The following DGKI variants were observed in gnomAD, a reference collection of about 807,000 sequenced individuals.
DGKI encodes the protein DAG kinase iota.
A neutral mutation model predicts 147.5 loss-of-function variants in DGKI; 55 were observed. That is an observed-to-expected ratio of 0.37 (90% CI 0.30 to 0.47). The LOEUF (loss-of-function observed/expected upper bound fraction) is 0.47. DGKI is among the 20% of genes least tolerant of loss of function. The probability of loss-of-function intolerance (pLI) is 1.00; values close to 1 mark genes in which losing one functional copy is unlikely to be tolerated. For missense variants in DGKI, 1,007 were observed against 1,323.8 expected (o/e 0.76, Z 3.71); for synonymous variants, 469 against 477.1 (o/e 0.98, Z 0.22).
intron 30 of DGKI, among the ~76,000 whole-genome samples, chr7:137,401,880 A>G (rs971412448): frequency 6.6e-5 from 10 of 152,194 alleles, no homozygotes; most frequent in Non-Finnish European, 1.5e-4. Flanking sequence ...AGAACCCTAG[A>G]TCAGTTGTCA....
intron 1 of DGKI, among the ~76,000 whole-genome samples, chr7:137,745,194 G>C (rs550782720): frequency 3.1e-4 from 47 of 152,260 alleles, no homozygotes; most frequent in African/African-American, 1.1e-3. Context: ...TATTTGTTTT[G>C]TTGTTAGATA....
intron 1 of DGKI, among the ~76,000 whole-genome samples, chr7:137,732,280 T>C (rs1794907633): frequency 6.6e-6 from 1 of 152,086 alleles, no homozygotes; most frequent in South Asian, 2.1e-4. Context: ...AGTTTCCCCA[T>C]GTTGCAGAAT....
Position 137,724,661 on chromosome 7 carries a change from T to G in DGKI, c.402-34659A>C, listed in dbSNP as rs140151364. Among the ~76,000 whole-genome samples, 46 of 152,286 alleles carry G rather than the reference T, an allele frequency of 3.0e-4. No individual in the cohort carries two copies. The East Asian group carries it at 8.7e-3, about 29-fold the overall frequency. ...GGTACATTTACTGAGATGGGGACAT[T>G]GACAGAGGACCAAGTGTTTGGGATG... On this transcript the variant is annotated intron_variant, in intron 1 of 32. Coordinates refer to ENST00000614521, the MANE Select transcript of DGKI (RefSeq NM_001321708.2).
At chr7:137,472,396 A>ATTATATGTATATATACATATT (rs1396290321) in intron 23 of DGKI, among the ~76,000 whole-genome samples, 3,308 of 94,680 alleles carry the variant, frequency 0.035, 156 homozygotes, top group African/African-American at 0.049. Flanking sequence ...TACATATTAT[A>ATTATATGTATATATACATATT]ATTATTATAT....
At chr7:137,715,753 C>G (rs1271521497) in intron 1 of DGKI, among the ~76,000 whole-genome samples, 4 of 152,276 alleles carry the variant, frequency 2.6e-5, no homozygotes, top group African/African-American at 7.2e-5. Flanking sequence ...TGATGACTAA[C>G]CAGACAACCT....
At chr7:137,759,195 T>C (rs531155637) in intron 1 of DGKI, among the ~76,000 whole-genome samples, 1 of 152,312 alleles carries the variant, frequency 6.6e-6, no homozygotes, top group South Asian at 2.1e-4. Context: ...CGCCTACTTA[T>C]AAGTGACAAC....
At chr7:137,635,936 C>G (rs1821294018) in intron 6 of DGKI, among the ~76,000 whole-genome samples, 1 of 152,172 alleles carries the variant, frequency 6.6e-6, no homozygotes, top group Non-Finnish European at 1.5e-5. Context: ...CGTCATGGGA[C>G]TTAACAGGAA....
At chr7:137,487,765 G>T in intron 21 of DGKI, 76 bp from the exon 22 acceptor site, 1 of 1,358,114 alleles carries the variant, frequency 7.4e-7, no homozygotes, top group Non-Finnish European at 1.0e-6. Flanking sequence ...TGTTTCTCGT[G>T]GTTAAAAAAC....
chr7:137,427,310 T>C (rs1812857566), intron 28 of DGKI, among the ~76,000 whole-genome samples: 2 of 152,042 alleles, frequency 1.3e-5, no homozygotes, highest in Admixed American at 6.5e-5. Flanking sequence ...ACTGGGTACA[T>C]AAGGAAACGA....
In DGKI at chr7:137,585,155, T is replaced by C. The variant is rs553188835; in HGVS notation, c.1563+54A>G. The C allele has an allele frequency of 4.4e-6, 7 of 1,598,746 alleles. No individual in the cohort carries two copies. In the South Asian group the frequency reaches 7.9e-5, roughly 18 times the overall value. Reference sequence around the variant, plus strand: ...TCTCCAGCCAGGATTTTTTTTCCTGTAGCTCAGGCAGATGCTCCAGGGCTC... The same window carrying C: ...TCTCCAGCCAGGATTTTTTTTCCTGCAGCTCAGGCAGATGCTCCAGGGCTC... On this transcript the variant is annotated intron_variant, in intron 14 of 32. Coordinates refer to ENST00000614521, the MANE Select transcript of DGKI (RefSeq NM_001321708.2).
chr7:137,625,491 A>C (rs931083983), intron 6 of DGKI, among the ~76,000 whole-genome samples: 3 of 152,054 alleles, frequency 2.0e-5, no homozygotes, highest in African/African-American at 7.2e-5. Flanking sequence ...AATTTAAAAA[A>C]AAATAAAGAA....
intron 1 of DGKI, among the ~76,000 whole-genome samples, chr7:137,711,058 A>T (rs774089073): frequency 1.5e-4 from 23 of 152,152 alleles, no homozygotes; most frequent in Non-Finnish European, 2.6e-4. Context: ...TTTCCTCCTC[A>T]TCATTCCTCT....
Position 137,587,099 on chromosome 7 carries a change from C to G in DGKI, c.1423G>C (p.Gly475Arg). Residue 475 changes from glycine to arginine, a missense_variant and splice_region_variant, in exon 13 of 33, where the codon GGG (glycine) becomes CGG (arginine). Coordinates refer to ENST00000614521, the MANE Select transcript of DGKI (RefSeq NM_001321708.2). ...CAGTCCCCGAGAGCAGTTCTTACCC[C>G]TCCCCAGTTGAGAGTTCGAGCCAGG... Reference protein sequence around the residue: ...NDLARTLNWGGGYTDEPVSKI... With the variant: ...NDLARTLNWGRGYTDEPVSKI... 1.3e-6 allele frequency: 2 copies of G among 1,595,034 alleles called. No homozygotes were observed. The highest frequency in any genetic ancestry group is 1.7e-6 in the Non-Finnish European group (2 of 1,173,728).
In DGKI at chr7:137,799,574, T is replaced by C. The variant is rs185836372; in HGVS notation, c.401+46888A>G. Among the ~76,000 whole-genome samples, 6 of 152,348 alleles carry C rather than the reference T, an allele frequency of 3.9e-5. No homozygotes were observed. The East Asian group carries it at 1.2e-3, about 29-fold the overall frequency. On this transcript the variant is annotated intron_variant, in intron 1 of 32. Coordinates refer to ENST00000614521, the MANE Select transcript of DGKI (RefSeq NM_001321708.2). Reference sequence around the variant, plus strand: ...ATAAGAACATACTGAGAACAGTTATTCTGCCTAGAATTTACTCTTTTAAAA... The same window carrying C: ...ATAAGAACATACTGAGAACAGTTATCCTGCCTAGAATTTACTCTTTTAAAA...
intron 3 of DGKI, among the ~76,000 whole-genome samples, chr7:137,674,493 CATT>C (rs1213184123): frequency 6.6e-6 from 1 of 152,186 alleles, no homozygotes; most frequent in Non-Finnish European, 1.5e-5. Context: ...GTTACGGCAT[CATT>C]ATTAACAGCA....
chr7:137,590,936 T>C (rs1388058851), intron 12 of DGKI, among the ~76,000 whole-genome samples: 1 of 152,210 alleles, frequency 6.6e-6, no homozygotes, highest in African/African-American at 2.4e-5. Flanking sequence ...GAGCTCAAAG[T>C]GATCCGCCCG....
At chr7:137,573,757 G>A (rs1175621075) in intron 17 of DGKI, among the ~76,000 whole-genome samples, 1 of 152,176 alleles carries the variant, frequency 6.6e-6, no homozygotes, top group East Asian at 1.9e-4. Context: ...TTAGACCTGG[G>A]AATCAAGGGT....
At chr7:137,475,965 C>T (rs1312297778) in intron 23 of DGKI, among the ~76,000 whole-genome samples, 1 of 152,020 alleles carries the variant, frequency 6.6e-6, no homozygotes, top group Non-Finnish European at 1.5e-5. Flanking sequence ...AAATGGAAGG[C>T]TCAATTCACA....
At chr7:137,434,353 G>A (rs1813200011) in intron 28 of DGKI, among the ~76,000 whole-genome samples, 1 of 152,154 alleles carries the variant, frequency 6.6e-6, no homozygotes, top group Admixed American at 6.5e-5. Flanking sequence ...GCCAAGGCAG[G>A]CAGATTGCCT....
Sources: gnomAD v4.1 joint callset for allele counts (sites outside exome capture counted in the v4.1 genomes callset) on GRCh38, gnomAD v4.1.1 for gene constraint, MANE v1.5 for transcripts, NCBI Gene and HGNC (gene_info 2026-07-23, HGNC 2026-07-21) for gene names.